The following ASAP2 variants were observed in gnomAD, a reference collection of about 807,000 sequenced individuals.
The protein encoded by ASAP2 is ArfGAP with SH3 domain, ankyrin repeat and PH domain 2.
A neutral mutation model predicts 131.4 loss-of-function variants in ASAP2; 45 were observed. The ratio of observed to expected loss-of-function variants is 0.34; its 90% CI spans 0.27 to 0.44. The LOEUF (loss-of-function observed/expected upper bound fraction) is 0.44. ASAP2 is among the 20% of genes least tolerant of loss of function. ASAP2 has a pLI of 1.00. For synonymous variants in ASAP2, 510 were observed against 503.0 expected (o/e 1.01, Z -0.19); for missense variants, 1,011 against 1,297.0 (o/e 0.78, Z 3.39).
intron 24 of ASAP2, among the ~76,000 whole-genome samples, chr2:9,395,594 C>CTTTTTTTTGTTTTTTTTTTTTT (rs1676064633): frequency 1.7e-5 from 1 of 59,048 alleles, no homozygotes; most frequent in Non-Finnish European, 3.6e-5. Context: ...TGTTTTTTTT[C>CTTTTTTTTGTTTTTTTTTTTTT]TTTTTTTTTT....
At chr2:9,315,845 T>C (rs1669637632) in intron 3 of ASAP2, among the ~76,000 whole-genome samples, 1 of 152,190 alleles carries the variant, frequency 6.6e-6, no homozygotes, top group Admixed American at 6.5e-5. Context: ...CATTGTACCT[T>C]GGAGGAAGGC....
At chr2:9,339,858 C>T (rs545958444) in intron 9 of ASAP2, among the ~76,000 whole-genome samples, 3 of 152,310 alleles carry the variant, frequency 2.0e-5, no homozygotes, top group Non-Finnish European at 4.4e-5. Context: ...GTCCAGCCTG[C>T]GTCACATTCC....
rs185836011 is a variant in ASAP2 at position 9,397,535 on chromosome 2, A to C, written c.2685-2488A>C. ...GTACGCCCTCCTTGTGAAGGATGCTATCCCTTCCCCACCACCGGTGATTTT... is the reference window on the plus strand; with the variant it reads ...GTACGCCCTCCTTGTGAAGGATGCTCTCCCTTCCCCACCACCGGTGATTTT... On this transcript the variant is annotated intron_variant, in intron 24 of 27. Transcript: ENST00000281419. Among the ~76,000 whole-genome samples, 3 of 151,780 alleles carry C rather than the reference A, an allele frequency of 2.0e-5. No individual in the cohort carries two copies. In the East Asian group the frequency reaches 5.8e-4, roughly 30 times the overall value.
At position 9,360,253 on chromosome 2, in the gene ASAP2, A is replaced by G. The variant is rs936838728; in HGVS notation, c.1461+1364A>G. Among the ~76,000 whole-genome samples the G allele has an allele frequency of 3.9e-5, 6 of 152,334 alleles. No homozygotes were observed. The East Asian group carries it at 1.2e-3, about 29-fold the overall frequency. On this transcript the variant is annotated intron_variant, in intron 15 of 27. Transcript: ENST00000281419. ...CTATGTATTTTGCAGGCCACTTTAT[A>G]TATACTAGGCTCATTTGATCTCCAG...
intron 5 of ASAP2, among the ~76,000 whole-genome samples, chr2:9,321,751 G>A: frequency 6.6e-6 from 1 of 152,142 alleles, no homozygotes; most frequent in East Asian, 1.9e-4. Flanking sequence ...AAAAGGTTTG[G>A]AAGAAGGATA....
chr2:9,258,815 C>G (rs946497995), intron 1 of ASAP2, among the ~76,000 whole-genome samples: 1 of 152,198 alleles, frequency 6.6e-6, no homozygotes, highest in African/African-American at 2.4e-5. Context: ...TTATTTCTCT[C>G]GCTCTCTCTC....
At chr2:9,387,802 A>G (rs1675397095) in intron 21 of ASAP2, among the ~76,000 whole-genome samples, 1 of 152,194 alleles carries the variant, frequency 6.6e-6, no homozygotes, top group South Asian at 2.1e-4. Flanking sequence ...GGTAGTTTAT[A>G]AAAGAAAGAG....
chr2:9,296,851 C>T (rs148002526), intron 2 of ASAP2, among the ~76,000 whole-genome samples: 111 of 152,270 alleles, frequency 7.3e-4, no homozygotes, highest in Non-Finnish European at 1.2e-3. Context: ...AAGACCACTG[C>T]TGTTGCTGTA....
intron 2 of ASAP2, among the ~76,000 whole-genome samples, chr2:9,280,502 C>T (rs974139782): frequency 3.3e-5 from 5 of 152,138 alleles, no homozygotes; most frequent in African/African-American, 1.2e-4. Context: ...TGAGCATTGC[C>T]AAGTGTATTT....
chr2:9,232,033 C>G lies in ASAP2; in HGVS notation c.126+24803C>G, dbSNP rs1216661620. Among the ~76,000 whole-genome samples, 3 of 152,228 alleles carry G rather than the reference C, an allele frequency of 2.0e-5. No individual in the cohort carries two copies. Among genetic ancestry groups the G allele is most frequent in the Non-Finnish European group, 4.4e-5 (3 of 68,044 alleles). ...CTCCAGCTGCAGTGGGTGCCCCTGT[C>G]ATTTGTCAGCCAGAGCATTCAACAG... On this transcript the variant is annotated intron_variant, in intron 1 of 27. Coordinates refer to ENST00000281419, the MANE Select transcript of ASAP2 (RefSeq NM_003887.3). This position sits in a 1 kb window ranked among gnomAD's most constrained non-coding sequence, Gnocchi z 4.1.
chr2:9,340,411 G>A (rs1671504040), intron 9 of ASAP2, among the ~76,000 whole-genome samples: 2 of 152,232 alleles, frequency 1.3e-5, no homozygotes, highest in African/African-American at 4.8e-5. Flanking sequence ...ATTTGACCCT[G>A]ATCTATTCCA....
intron 24 of ASAP2, among the ~76,000 whole-genome samples, chr2:9,395,440 A>C (rs143739158): frequency 0.014 from 2,187 of 151,906 alleles, 22 homozygotes; most frequent in Middle Eastern, 0.027. Flanking sequence ...ACGTCATTGT[A>C]CTCCAGCCTG....
chr2:9,251,767 C>CG (rs2148137048), intron 1 of ASAP2, among the ~76,000 whole-genome samples: 1 of 151,906 alleles, frequency 6.6e-6, no homozygotes, highest in Admixed American at 6.5e-5. Context: ...TCAGGAATGA[C>CG]GCAAGGGGAA....
chr2:9,391,227 C>A, intron 23 of ASAP2, 31 bp downstream of exon 23: 1 of 1,590,632 alleles, frequency 6.3e-7, no homozygotes, highest in Non-Finnish European at 8.6e-7. Context: ...CTTTCTTGCC[C>A]GTGGGCTTTG....
At chr2:9,221,968 T>C (rs549580944) in intron 1 of ASAP2, among the ~76,000 whole-genome samples, 1 of 152,110 alleles carries the variant, frequency 6.6e-6, no homozygotes, top group Admixed American at 6.5e-5. Flanking sequence ...TAATTTTTTT[T>C]TTTTTGTATT....
chr2:9,292,325 C>T (rs1489647401), intron 2 of ASAP2, among the ~76,000 whole-genome samples: 3 of 152,032 alleles, frequency 2.0e-5, no homozygotes, highest in Non-Finnish European at 2.9e-5. Flanking sequence ...CAAGACCAGC[C>T]TGGCCAATAT....
chr2:9,367,189 C>T (rs1673546468), intron 15 of ASAP2, among the ~76,000 whole-genome samples: 1 of 151,940 alleles, frequency 6.6e-6, no homozygotes. Context: ...CGCCGCCATG[C>T]CTGGCTAATT....
At position 9,359,694 on chromosome 2, in the gene ASAP2, A is replaced by C. The variant is rs796439963; in HGVS notation, c.1461+805A>C. 1.2e-4 allele frequency among the ~76,000 whole-genome samples: 18 copies of C among 152,372 alleles called. 1 individual carries two copies. Among genetic ancestry groups the C allele is most frequent in the African/African-American group, 4.1e-4 (17 of 41,598 alleles). ...TCAAGAGCAATAGTCTTGACAGAAA[A>C]TCAATAGTTGTGGACCATGTTCCTC... On this transcript the variant is annotated intron_variant, in intron 15 of 27. Coordinates refer to ENST00000281419, the MANE Select transcript of ASAP2 (RefSeq NM_003887.3).
intron 9 of ASAP2, among the ~76,000 whole-genome samples, chr2:9,337,198 G>A (rs551628071): frequency 1.3e-5 from 2 of 152,314 alleles, no homozygotes; most frequent in South Asian, 4.1e-4. Context: ...TGCCCAGTTG[G>A]CTCCTTGTCA....
Sources: allele counts gnomAD v4.1 joint callset (sites outside exome capture counted in the v4.1 genomes callset), GRCh38; gene constraint gnomAD v4.1.1; non-coding constraint Gnocchi (gnomAD v3.1); transcripts MANE v1.5; gene names NCBI Gene and HGNC (gene_info 2026-07-23, HGNC 2026-07-21).